Variants in TRAPPC9 observed in about 807,000 individuals in gnomAD.
The protein encoded by TRAPPC9 is trafficking protein particle complex subunit 9, also known as IKK2 binding protein.
TRAPPC9 carries 83 observed loss-of-function variants against 124.0 expected under a neutral mutation model. The observed-to-expected ratio is 0.67, with a 90% CI of 0.56 to 0.80. TRAPPC9 has a LOEUF of 0.80. Ranked by LOEUF, TRAPPC9 falls within the 30% of genes least tolerant of loss-of-function variation. The probability of loss-of-function intolerance (pLI) is 0.00; values close to 1 mark genes in which losing one functional copy is unlikely to be tolerated. For synonymous variants in TRAPPC9, 638 were observed against 617.5 expected (o/e 1.03, Z -0.49); for missense variants, 1,302 against 1,508.3 (o/e 0.86, Z 2.27).
At chr8:139,816,524 C>G (rs1001321073) in intron 21 of TRAPPC9, among the ~76,000 whole-genome samples, 1 of 152,120 alleles carries the variant, frequency 6.6e-6, no homozygotes, top group African/African-American at 2.4e-5. Context: ...CCACAGGGGC[C>G]GACCCAGAGG....
intron 20 of TRAPPC9, among the ~76,000 whole-genome samples, chr8:139,896,797 G>A (rs959083287): frequency 3.3e-5 from 5 of 152,224 alleles, no homozygotes; most frequent in Admixed American, 2.0e-4. Flanking sequence ...CCTGGCCAGT[G>A]TTTTTCCAGC....
At chr8:140,381,129 C>T (rs946392398) in intron 7 of TRAPPC9, among the ~76,000 whole-genome samples, 26 of 150,228 alleles carry the variant, frequency 1.7e-4, no homozygotes, top group African/African-American at 5.4e-4. Flanking sequence ...TGCTTGAACC[C>T]GGGAGGCGGA....
Position 140,312,544 on chromosome 8 carries a change from A to G in TRAPPC9, c.1496-1170T>C, listed in dbSNP as rs561451523. Reference sequence around the variant, plus strand: ...ACGGTGCACTGAATAAACTGAAATGATAATAACCATTATCATCATTATCAT... The same window carrying G: ...ACGGTGCACTGAATAAACTGAAATGGTAATAACCATTATCATCATTATCAT... On this transcript the variant is annotated intron_variant, in intron 9 of 22. Transcript: ENST00000438773. Among the ~76,000 whole-genome samples the G allele has an allele frequency of 6.0e-4, 92 of 152,306 alleles. 1 individual carries two copies. The highest frequency in any genetic ancestry group is 1.2e-3 in the Admixed American group (19 of 15,300).
At chr8:139,769,232 T>C (rs907788133) in intron 21 of TRAPPC9, among the ~76,000 whole-genome samples, 1 of 152,220 alleles carries the variant, frequency 6.6e-6, no homozygotes, top group Non-Finnish European at 1.5e-5. Context: ...TTCCTCGACA[T>C]ACATACCTAT....
At chr8:140,381,667 C>CAAAAA (rs56659960) in intron 7 of TRAPPC9, among the ~76,000 whole-genome samples, 16 of 48,368 alleles carry the variant, frequency 3.3e-4, no homozygotes, top group East Asian at 7.1e-4. Flanking sequence ...GACTCTGTCT[C>CAAAAA]AAAAAAAAAA....
intron 15 of TRAPPC9, among the ~76,000 whole-genome samples, chr8:140,269,750 G>C (rs889800884): frequency 2.0e-5 from 3 of 152,040 alleles, no homozygotes; most frequent in Non-Finnish European, 4.4e-5. Flanking sequence ...AAAAGTTTGA[G>C]GATGGAATGA....
At chr8:139,753,477 C>T (rs1819502070) in intron 21 of TRAPPC9, among the ~76,000 whole-genome samples, 3 of 152,188 alleles carry the variant, frequency 2.0e-5, no homozygotes, top group Non-Finnish European at 2.9e-5. Context: ...TCCCAATAGC[C>T]GTTCATGCGT....
In TRAPPC9 at chr8:139,796,425, C is replaced by T. The variant is rs896042641; in HGVS notation, c.3056-64223G>A. On this transcript the variant is annotated intron_variant, in intron 21 of 22. Coordinates refer to ENST00000438773, the MANE Select transcript of TRAPPC9 (RefSeq NM_001160372.4). ...TGCATCAGACGCCTCCCCATCCCCA[C>T]CAGCCAGCAACCACTCCTTGAATGC... Among the ~76,000 whole-genome samples, 12 of 152,204 alleles carry T rather than the reference C, an allele frequency of 7.9e-5. 1 individual carries two copies. Among genetic ancestry groups the T allele is most frequent in the Admixed American group, 7.2e-4 (11 of 15,286 alleles).
intron 21 of TRAPPC9, among the ~76,000 whole-genome samples, chr8:139,789,614 C>T (rs1822514545): frequency 6.6e-6 from 1 of 152,156 alleles, no homozygotes; most frequent in Admixed American, 6.5e-5. Context: ...GTGTGGTCAA[C>T]AGTGCTGGGG....
intron 19 of TRAPPC9, among the ~76,000 whole-genome samples, chr8:139,940,670 C>T (rs1337603653): frequency 1.3e-5 from 2 of 151,972 alleles, no homozygotes; most frequent in Non-Finnish European, 2.9e-5. Flanking sequence ...CACTGTCACC[C>T]ACAGAACTTC....
intron 21 of TRAPPC9, among the ~76,000 whole-genome samples, chr8:139,740,630 C>T (rs998993143): frequency 4.6e-5 from 7 of 152,220 alleles, no homozygotes; most frequent in Non-Finnish European, 8.8e-5. Context: ...GCGGGCCCTG[C>T]GGAAGCAGGT....
At chr8:140,296,859 C>T (rs28378438) in intron 11 of TRAPPC9, among the ~76,000 whole-genome samples, 62,249 of 152,120 alleles carry the variant, frequency 0.41, 13,593 homozygotes, top group African/African-American at 0.54. Flanking sequence ...GTAGGGGAGA[C>T]AGTTCATCAC....
intron 10 of TRAPPC9, among the ~76,000 whole-genome samples, chr8:140,304,394 C>A (rs546432135): frequency 6.6e-6 from 1 of 152,210 alleles, no homozygotes; most frequent in East Asian, 1.9e-4. Context: ...CGTGCCCAGC[C>A]CCAATTTTTT....
At chr8:139,949,543 G>A (rs1834499322) in intron 19 of TRAPPC9, among the ~76,000 whole-genome samples, 1 of 152,198 alleles carries the variant, frequency 6.6e-6, no homozygotes, top group Non-Finnish European at 1.5e-5. Flanking sequence ...ATATCCATGT[G>A]ATGGAATATC....
chr8:140,060,620 A>C (rs1587618147), intron 17 of TRAPPC9, among the ~76,000 whole-genome samples: 2 of 68,572 alleles, frequency 2.9e-5, no homozygotes, highest in Admixed American at 2.1e-4. Context: ...GTTCCTACCC[A>C]TCCCTACCCA....
chr8:140,249,585 T>C (rs2064077065), intron 16 of TRAPPC9, among the ~76,000 whole-genome samples: 1 of 149,260 alleles, frequency 6.7e-6, no homozygotes, highest in South Asian at 2.1e-4. Context: ...TGCAGGCAAA[T>C]CATCTTTCAC....
At chr8:140,133,279 T>G (rs1356772431) in intron 17 of TRAPPC9, among the ~76,000 whole-genome samples, 1 of 152,246 alleles carries the variant, frequency 6.6e-6, no homozygotes, top group Non-Finnish European at 1.5e-5. Context: ...CAATGTGATG[T>G]ACCATATTAA....
rs185669423 is a variant in TRAPPC9 at position 140,216,521 on chromosome 8, A to G, written c.2556+4938T>C. ...TAACAGAGTACCTCAAATGTGAGAG[A>G]TGCCCCCCAAAAGAAGTATGAGTGG... On this transcript the variant is annotated intron_variant, in intron 17 of 22. Transcript: ENST00000438773. This position sits in a 1 kb window ranked among gnomAD's most constrained non-coding sequence, Gnocchi z 4.1. Among the ~76,000 whole-genome samples the G allele has an allele frequency of 6.6e-6, 1 of 152,338 alleles. No homozygotes were observed. Among genetic ancestry groups the G allele is most frequent in the East Asian group, 1.9e-4 (1 of 5,176 alleles).
chr8:140,438,978 C>T (rs2070915380), intron 3 of TRAPPC9, 74 bp downstream of exon 3: 1 of 1,595,206 alleles, frequency 6.3e-7, no homozygotes, highest in Non-Finnish European at 8.6e-7. Flanking sequence ...GCGTGAGCCA[C>T]CGCACCCAGC....
Sources: gnomAD v4.1 joint callset for allele counts (sites outside exome capture counted in the v4.1 genomes callset) on GRCh38, gnomAD v4.1.1 for gene constraint, Gnocchi (gnomAD v3.1) non-coding constraint, MANE v1.5 for transcripts, NCBI Gene and HGNC (gene_info 2026-07-23, HGNC 2026-07-21) for gene names.